The following ERC2 variants were observed in gnomAD, a reference collection of about 807,000 sequenced individuals.
ERC2 encodes the protein ELKS/RAB6-interacting/CAST family member 2, also known as ERC protein 2.
A neutral mutation model predicts 114.8 loss-of-function variants in ERC2; 42 were observed. That is an observed-to-expected ratio of 0.37 (90% CI 0.29 to 0.47). The LOEUF is 0.47. Among genes scored for constraint, ERC2 ranks in the 20% least tolerant of loss-of-function variants. The pLI, the probability that ERC2 is intolerant of heterozygous loss-of-function variation, is 0.99. For missense variants in ERC2, 939 were observed against 1,150.7 expected (o/e 0.82, Z 2.66); for synonymous variants, 454 against 425.5 (o/e 1.07, Z -0.82).
intron 3 of ERC2, among the ~76,000 whole-genome samples, chr3:56,210,717 G>A (rs994914323): frequency 2.0e-5 from 3 of 152,124 alleles, no homozygotes; most frequent in African/African-American, 4.8e-5. Context: ...TTTAAAAACT[G>A]TAATATAAAC....
At chr3:56,112,308 G>A (rs973305750) in intron 6 of ERC2, among the ~76,000 whole-genome samples, 4 of 152,152 alleles carry the variant, frequency 2.6e-5, no homozygotes, top group Admixed American at 2.6e-4. Context: ...AAGAAGTCAT[G>A]TCAAGCAATT....
At chr3:56,444,481 CAAAAT>C (rs1252598147) in intron 1 of ERC2, among the ~76,000 whole-genome samples, 11 of 152,170 alleles carry the variant, frequency 7.2e-5, no homozygotes, top group African/African-American at 2.2e-4. Context: ...ATGGCTCAAA[CAAAAT>C]AAAATAAAAG....
intron 6 of ERC2, among the ~76,000 whole-genome samples, chr3:56,116,095 T>C (rs1375762563): frequency 6.6e-6 from 1 of 152,216 alleles, no homozygotes; most frequent in Non-Finnish European, 1.5e-5. Flanking sequence ...CTTTCCTGTA[T>C]GGTCCCATGT....
chr3:55,799,360 TCTTATATATATATATATGC>T (rs2070784082), intron 14 of ERC2, among the ~76,000 whole-genome samples: 1 of 137,246 alleles, frequency 7.3e-6, no homozygotes, highest in South Asian at 2.4e-4. Context: ...GGACCACAAT[TCTTATATATATATATATGC>T]CTTATATATA....
intron 3 of ERC2, among the ~76,000 whole-genome samples, chr3:56,208,390 T>A (rs2048865991): frequency 1.3e-5 from 2 of 152,232 alleles, no homozygotes; most frequent in Admixed American, 1.3e-4. Flanking sequence ...CTAGCTTTGC[T>A]CTTGCTTTGT....
intron 14 of ERC2, among the ~76,000 whole-genome samples, chr3:55,752,801 A>C (rs1254436791): frequency 6.6e-6 from 1 of 152,192 alleles, no homozygotes; most frequent in African/African-American, 2.4e-5. Flanking sequence ...AAAATAAAAT[A>C]GATTATGTCT....
At chr3:55,968,158 A>G (rs886537716) in intron 12 of ERC2, among the ~76,000 whole-genome samples, 3 of 151,970 alleles carry the variant, frequency 2.0e-5, no homozygotes, top group African/African-American at 7.2e-5. Flanking sequence ...ATTATATTTT[A>G]ATATGGATCT....
chr3:56,126,612 G>T (rs538002278), intron 6 of ERC2, among the ~76,000 whole-genome samples: 1 of 152,154 alleles, frequency 6.6e-6, no homozygotes, highest in Admixed American at 6.5e-5. Flanking sequence ...AAATAAATTA[G>T]TTGGGTGTGG....
intron 6 of ERC2, among the ~76,000 whole-genome samples, chr3:56,093,498 G>C (rs752618757): frequency 6.6e-6 from 1 of 152,060 alleles, no homozygotes; most frequent in Non-Finnish European, 1.5e-5. Flanking sequence ...AATCAGCGAG[G>C]AAACTGGATC....
intron 13 of ERC2, among the ~76,000 whole-genome samples, chr3:55,902,966 C>A (rs1355638508): frequency 6.6e-6 from 1 of 152,214 alleles, no homozygotes; most frequent in Admixed American, 6.5e-5. Flanking sequence ...TTAAAATCAG[C>A]AACTTTTGTC....
intron 13 of ERC2, among the ~76,000 whole-genome samples, chr3:55,947,322 A>G (rs977599794): frequency 6.6e-6 from 1 of 151,878 alleles, no homozygotes; most frequent in African/African-American, 2.4e-5. Context: ...TGCATATGCT[A>G]TTTTTCTTAT....
chr3:55,813,927 ACC>A (rs2059811853), intron 14 of ERC2, among the ~76,000 whole-genome samples: 2 of 152,014 alleles, frequency 1.3e-5, no homozygotes, highest in Admixed American at 1.3e-4. Context: ...TTCTCATGTA[ACC>A]CTCTTGGCTA....
At chr3:56,290,438 G>C (rs1334401768) in intron 3 of ERC2, among the ~76,000 whole-genome samples, 1 of 152,202 alleles carries the variant, frequency 6.6e-6, no homozygotes, top group East Asian at 1.9e-4. Flanking sequence ...ATATGTATAG[G>C]AAACAGCCCT....
intron 1 of ERC2, among the ~76,000 whole-genome samples, chr3:56,463,731 A>C (rs1463367698): frequency 2.0e-5 from 3 of 152,226 alleles, no homozygotes; most frequent in African/African-American, 7.2e-5. Flanking sequence ...CATTATATCC[A>C]TGTGTGCCCC....
At chr3:55,940,576 A>G (rs1425469412) in intron 13 of ERC2, among the ~76,000 whole-genome samples, 1 of 152,190 alleles carries the variant, frequency 6.6e-6, no homozygotes, top group Non-Finnish European at 1.5e-5. Flanking sequence ...AGCTACTGCA[A>G]ATCAAATGCT....
chr3:55,572,335 A>G (rs1325908741), intron 17 of ERC2, among the ~76,000 whole-genome samples: 2 of 152,124 alleles, frequency 1.3e-5, no homozygotes, highest in African/African-American at 4.8e-5. Context: ...AGGCACAGGA[A>G]CCCAAGGGTG....
chr3:56,015,926 T>G (rs2073275115), intron 8 of ERC2, among the ~76,000 whole-genome samples: 1 of 152,214 alleles, frequency 6.6e-6, no homozygotes, highest in Non-Finnish European at 1.5e-5. Context: ...GGTATCTCAC[T>G]GTGGTTTTGA....
At chr3:55,521,264 C>T (rs771585536) in intron 17 of ERC2, among the ~76,000 whole-genome samples, 31 of 152,212 alleles carry the variant, frequency 2.0e-4, no homozygotes, top group Admixed American at 6.5e-5. Context: ...CCCCACACAG[C>T]AAGCACTGCC....
chr3:55,989,696 A>G (rs1559982272), intron 11 of ERC2, among the ~76,000 whole-genome samples: 1 of 152,180 alleles, frequency 6.6e-6, no homozygotes, highest in Non-Finnish European at 1.5e-5. Flanking sequence ...CTTAATCTGT[A>G]TAAATCATAG....
Sources: allele counts gnomAD v4.1 joint callset (sites outside exome capture counted in the v4.1 genomes callset), GRCh38; gene constraint gnomAD v4.1.1; transcripts MANE v1.5; gene names NCBI Gene and HGNC (gene_info 2026-07-23, HGNC 2026-07-21).